METTL15: variants seen among roughly 807,000 people sequenced by gnomAD.
METTL15 encodes methyltransferase 15, mitochondrial 12S rRNA N4-cytidine.
A neutral mutation model predicts 38.3 loss-of-function variants in METTL15; 34 were observed. That is an observed-to-expected ratio of 0.89 (90% CI 0.68 to 1.18). The LOEUF (loss-of-function observed/expected upper bound fraction) is 1.18, where lower values mean the gene tolerates loss of function less well. METTL15 is among the 50% of genes most tolerant of loss of function. The probability of loss-of-function intolerance (pLI) is 0.00; values close to 1 mark genes in which losing one functional copy is unlikely to be tolerated. For synonymous variants in METTL15, 162 were observed against 170.9 expected (o/e 0.95, Z 0.41); for missense variants, 438 against 498.4 (o/e 0.88, Z 1.15).
chr11:28,224,440 G>T (rs1853385886), intron 4 of METTL15, among the ~76,000 whole-genome samples: 1 of 151,784 alleles, frequency 6.6e-6, no homozygotes, highest in Non-Finnish European at 1.5e-5. Context: ...ATTAAAAAAT[G>T]CAGGAAAGTA....
chr11:28,525,851 G>A (rs1004233753), intron 6 of METTL15, among the ~76,000 whole-genome samples: 11 of 152,258 alleles, frequency 7.2e-5, no homozygotes, highest in East Asian at 3.8e-4. Context: ...AGCAGGGGGC[G>A]GCGCTTGTTG....
intron 4 of METTL15, among the ~76,000 whole-genome samples, chr11:28,241,781 A>G (rs1299128889): frequency 6.6e-6 from 1 of 152,188 alleles, no homozygotes; most frequent in Non-Finnish European, 1.5e-5. Flanking sequence ...CCTGGTTTCA[A>G]GGAAAAGCAA....
chr11:28,462,519 C>G (rs200082128), intron 6 of METTL15, among the ~76,000 whole-genome samples: 6 of 134,812 alleles, frequency 4.5e-5, no homozygotes, highest in Admixed American at 1.5e-4. Context: ...CACACACACA[C>G]AGAATTTATT....
At chr11:28,517,206 A>C (rs1851726634) in intron 6 of METTL15, 1 of 152,140 alleles carries the variant, frequency 6.6e-6, no homozygotes, top group South Asian at 2.1e-4. Flanking sequence ...TGAAATCAGA[A>C]TCTCCAACAA....
At chr11:28,504,802 T>C (rs907919832) in intron 6 of METTL15, among the ~76,000 whole-genome samples, 4 of 152,248 alleles carry the variant, frequency 2.6e-5, no homozygotes, top group African/African-American at 9.6e-5. Flanking sequence ...CTCATTCGAA[T>C]GTTTAAACAG....
intron 3 of METTL15, among the ~76,000 whole-genome samples, chr11:28,196,084 T>C (rs1851898142): frequency 6.6e-6 from 1 of 152,134 alleles, no homozygotes; most frequent in African/African-American, 2.4e-5. Context: ...ACCAATATCA[T>C]GCTGTTTTGG....
chr11:28,501,501 A>G (rs1435553026), intron 6 of METTL15, among the ~76,000 whole-genome samples: 1 of 152,202 alleles, frequency 6.6e-6, no homozygotes, highest in Non-Finnish European at 1.5e-5. Flanking sequence ...AGTTTGCCAG[A>G]AAAGATTCCT....
intron 6 of METTL15, among the ~76,000 whole-genome samples, chr11:28,441,163 C>T (rs367855880): frequency 8.0e-5 from 12 of 149,088 alleles, no homozygotes; most frequent in African/African-American, 3.0e-4. Flanking sequence ...TTTTTTTCTG[C>T]AACCTTTGCC....
chr11:28,475,486 T>C (rs999532694), intron 6 of METTL15, among the ~76,000 whole-genome samples: 3 of 152,192 alleles, frequency 2.0e-5, no homozygotes, highest in African/African-American at 4.8e-5. Context: ...ATTTGTCTGG[T>C]CATGGTCTCG....
At chr11:28,243,116 A>G (rs564112865) in intron 4 of METTL15, among the ~76,000 whole-genome samples, 2 of 151,930 alleles carry the variant, frequency 1.3e-5, no homozygotes, top group African/African-American at 4.8e-5. Flanking sequence ...TAAAAATAGT[A>G]TGTTTAAAAA....
intron 3 of METTL15, among the ~76,000 whole-genome samples, chr11:28,175,193 C>T (rs529700446): frequency 6.4e-4 from 97 of 151,374 alleles, no homozygotes; most frequent in Non-Finnish European, 1.3e-4. Flanking sequence ...TGAGAACATG[C>T]GGTGTTTGGT....
chr11:28,279,974 T>C lies in METTL15; in HGVS notation c.408-10232T>C, dbSNP rs368368483. 8.6e-5 allele frequency among the ~76,000 whole-genome samples: 13 copies of C among 151,900 alleles called. No individual in the cohort carries two copies. The East Asian group carries it at 2.5e-3, about 29-fold the overall frequency. ...TAGTAATTTTACCTCTTCCAGGACA[T>C]TGTAATTGCAAGGACCTTGGATCAT... On this transcript the variant is annotated intron_variant, in intron 4 of 6. Coordinates refer to ENST00000407364, the MANE Select transcript of METTL15 (RefSeq NM_001113528.2).
chr11:28,376,275 T>C (rs570604263), intron 5 of METTL15, among the ~76,000 whole-genome samples: 10 of 152,192 alleles, frequency 6.6e-5, no homozygotes, highest in Non-Finnish European at 1.5e-4. Context: ...GGTGTTAAAG[T>C]CTCCCATTAT....
At chr11:28,527,632 G>T (rs996957353), downstream of METTL15, among the ~76,000 whole-genome samples, 1 of 152,174 alleles carries the variant, frequency 6.6e-6, no homozygotes, top group African/African-American at 2.4e-5. Flanking sequence ...GAGGAAAGAG[G>T]CATGGTGCTT....
intron 6 of METTL15, among the ~76,000 whole-genome samples, chr11:28,460,725 G>C (rs1221799011): frequency 6.6e-6 from 1 of 152,008 alleles, no homozygotes; most frequent in African/African-American, 2.4e-5. Flanking sequence ...CAACACTGTG[G>C]GGGCTCAGAA....
At chr11:28,394,025 G>T (rs967769949) in intron 5 of METTL15, among the ~76,000 whole-genome samples, 3 of 152,044 alleles carry the variant, frequency 2.0e-5, no homozygotes, top group Non-Finnish European at 2.9e-5. Context: ...TATACAGTCT[G>T]CTATAATTAC....
In METTL15 at chr11:28,373,740, C is replaced by T. The variant is rs542759549; in HGVS notation, c.*358+11704C>T. Reference sequence around the variant, plus strand: ...GTGTTTTAGACATGAAGTCCTTGCCCGTGCCTATGTCCTGAATGGTAATGC... The same window carrying T: ...GTGTTTTAGACATGAAGTCCTTGCCTGTGCCTATGTCCTGAATGGTAATGC... On this transcript the variant is annotated intron_variant and NMD_transcript_variant, in intron 5 of 7. Transcript: ENST00000532947. Among the ~76,000 whole-genome samples, 76 of 152,220 alleles carry T rather than the reference C, an allele frequency of 5.0e-4. No individual in the cohort carries two copies. In the South Asian group the frequency reaches 9.8e-3, roughly 20 times the overall value.
At chr11:28,268,003 C>G (rs1855494359) in intron 4 of METTL15, among the ~76,000 whole-genome samples, 1 of 151,532 alleles carries the variant, frequency 6.6e-6, no homozygotes, top group African/African-American at 2.4e-5. Flanking sequence ...CGAGACCATC[C>G]CGGCTAAAAC....
intron 6 of METTL15, among the ~76,000 whole-genome samples, chr11:28,481,403 T>C (rs1440417521): frequency 6.6e-6 from 1 of 152,180 alleles, no homozygotes; most frequent in Non-Finnish European, 1.5e-5. Flanking sequence ...GGACTTTATG[T>C]GTAGGCTTCC....
Sources: allele counts gnomAD v4.1 joint callset (sites outside exome capture counted in the v4.1 genomes callset), GRCh38; gene constraint gnomAD v4.1.1; transcripts MANE v1.5; gene names NCBI Gene and HGNC (gene_info 2026-07-23, HGNC 2026-07-21).